GPC5: variants seen among roughly 807,000 people sequenced by gnomAD.
The protein encoded by GPC5 is glypican-5.
A neutral mutation model predicts 53.9 loss-of-function variants in GPC5; 47 were observed. The ratio of observed to expected loss-of-function variants is 0.87; its 90% CI spans 0.69 to 1.11. GPC5 has a LOEUF of 1.11. Ranked by LOEUF, GPC5 falls within the 50% of genes most tolerant of loss-of-function variation. The pLI is 0.00. For missense variants in GPC5, 748 were observed against 713.1 expected (o/e 1.05, Z -0.56); for synonymous variants, 286 against 263.3 (o/e 1.09, Z -0.84).
At chr13:91,412,372 T>C (rs1877870769) in intron 1 of GPC5, among the ~76,000 whole-genome samples, 1 of 152,230 alleles carries the variant, frequency 6.6e-6, no homozygotes, top group South Asian at 2.1e-4. Context: ...TCACTGCCTT[T>C]CTTAAAAATA....
chr13:92,725,367 T>C (rs1888614131), intron 7 of GPC5, among the ~76,000 whole-genome samples: 1 of 151,518 alleles, frequency 6.6e-6, no homozygotes, highest in Admixed American at 6.6e-5. Flanking sequence ...GATAGGCGGC[T>C]GAGAAACACA....
chr13:91,585,056 C>T (rs1330710272), intron 2 of GPC5, among the ~76,000 whole-genome samples: 20 of 152,118 alleles, frequency 1.3e-4, no homozygotes, highest in Non-Finnish European at 4.4e-5. Flanking sequence ...AGGCATTCTA[C>T]AAAATAGGAT....
chr13:91,908,997 T>A (rs766180060), intron 6 of GPC5, among the ~76,000 whole-genome samples: 2 of 152,114 alleles, frequency 1.3e-5, no homozygotes, highest in Non-Finnish European at 2.9e-5. Context: ...CAGAGCCAGT[T>A]CTTAGGTTCC....
At chr13:91,977,990 A>G (rs1330032906) in intron 6 of GPC5, among the ~76,000 whole-genome samples, 2 of 117,662 alleles carry the variant, frequency 1.7e-5, no homozygotes, top group Admixed American at 7.7e-5. Context: ...AAAGAAAAGA[A>G]AAAAAAAATT....
At chr13:92,052,111 A>G (rs1266128809) in intron 6 of GPC5, among the ~76,000 whole-genome samples, 1 of 152,216 alleles carries the variant, frequency 6.6e-6, no homozygotes, top group Non-Finnish European at 1.5e-5. Context: ...TGCATAAGTG[A>G]CATCCCATTA....
chr13:91,945,847 A>T (rs2039969785), intron 6 of GPC5, among the ~76,000 whole-genome samples: 1 of 151,786 alleles, frequency 6.6e-6, no homozygotes, highest in South Asian at 2.1e-4. Context: ...ACCTGATACA[A>T]CCCTTGCGTT....
chr13:92,116,338 C>T (rs954249601), intron 6 of GPC5, among the ~76,000 whole-genome samples: 2 of 151,998 alleles, frequency 1.3e-5, no homozygotes, highest in African/African-American at 4.8e-5. Flanking sequence ...ATAGAAGAGG[C>T]CATCTATAAG....
intron 7 of GPC5, among the ~76,000 whole-genome samples, chr13:92,435,540 C>T (rs891832856): frequency 1.3e-5 from 2 of 152,136 alleles, no homozygotes; most frequent in African/African-American, 4.8e-5. Context: ...AAGGTACTGA[C>T]ATCCTGTGGG....
At chr13:92,598,118 C>A (rs770593778) in intron 7 of GPC5, among the ~76,000 whole-genome samples, 2 of 152,070 alleles carry the variant, frequency 1.3e-5, no homozygotes, top group Non-Finnish European at 2.9e-5. Context: ...CTTCTGAAGA[C>A]AAATTCTGAC....
At chr13:92,692,752 C>CTTTTTTTTTTTTTTTTT (rs1457273874) in intron 7 of GPC5, among the ~76,000 whole-genome samples, 6 of 61,288 alleles carry the variant, frequency 9.8e-5, no homozygotes, top group Admixed American at 7.2e-4. Flanking sequence ...CCAATATCGG[C>CTTTTTTTTTTTTTTTTT]TATTTTTTTT....
intron 6 of GPC5, among the ~76,000 whole-genome samples, chr13:91,910,383 G>A (rs2039598328): frequency 6.6e-6 from 1 of 152,208 alleles, no homozygotes; most frequent in South Asian, 2.1e-4. Context: ...GGCCATGGAA[G>A]ACGTCGACAT....
chr13:91,833,256 C>G (rs1185519672), intron 5 of GPC5, among the ~76,000 whole-genome samples: 3 of 152,084 alleles, frequency 2.0e-5, no homozygotes, highest in Non-Finnish European at 4.4e-5. Flanking sequence ...CAATTAATAG[C>G]CTACCAACCA....
At chr13:92,508,517 G>A (rs1880455719) in intron 7 of GPC5, among the ~76,000 whole-genome samples, 1 of 152,118 alleles carries the variant, frequency 6.6e-6, no homozygotes, top group African/African-American at 2.4e-5. Flanking sequence ...ATGGTGAAGT[G>A]GGTAACATTC....
intron 7 of GPC5, among the ~76,000 whole-genome samples, chr13:92,760,483 T>TA (rs1222661298): frequency 6.6e-6 from 1 of 152,096 alleles, no homozygotes; most frequent in African/African-American, 2.4e-5. Context: ...AATAGTCTCT[T>TA]ATGATCCTTT....
chr13:92,302,070 T>G (rs2043079342), intron 7 of GPC5, among the ~76,000 whole-genome samples: 1 of 152,194 alleles, frequency 6.6e-6, no homozygotes, highest in African/African-American at 2.4e-5. Flanking sequence ...ATATATATAA[T>G]GCAGTAGAGA....
intron 7 of GPC5, among the ~76,000 whole-genome samples, chr13:92,514,059 AAAGGGAGT>A (rs1880678804): frequency 6.6e-6 from 1 of 151,984 alleles, no homozygotes; most frequent in Admixed American, 6.5e-5. Context: ...CAGTAAAAAG[AAAGGGAGT>A]AAGGCTAAAA....
chr13:91,449,811 C>G (rs1211620915), intron 2 of GPC5, among the ~76,000 whole-genome samples: 2 of 152,046 alleles, frequency 1.3e-5, no homozygotes, highest in Non-Finnish European at 2.9e-5. Context: ...TGTAAAATTC[C>G]TTATTACTAC....
chr13:92,292,599 G>GT (rs1054930990), intron 7 of GPC5, among the ~76,000 whole-genome samples: 6 of 151,878 alleles, frequency 4.0e-5, no homozygotes, highest in Admixed American at 2.6e-4. Flanking sequence ...GATTGTGAAG[G>GT]TTTTTTTCCC....
intron 7 of GPC5, among the ~76,000 whole-genome samples, chr13:92,693,495 C>G (rs906732601): frequency 6.6e-6 from 1 of 152,116 alleles, no homozygotes; most frequent in African/African-American, 2.4e-5. Flanking sequence ...AAAGGTCACT[C>G]TTGCTATGCT....
Sources: gnomAD v4.1 joint callset for allele counts (sites outside exome capture counted in the v4.1 genomes callset) on GRCh38, gnomAD v4.1.1 for gene constraint, MANE v1.5 for transcripts, NCBI Gene and HGNC (gene_info 2026-07-23, HGNC 2026-07-21) for gene names.